The following ST7 variants were observed in gnomAD, a reference collection of about 807,000 sequenced individuals.
ST7 encodes suppression of tumorigenicity 7.
In ST7, 28 loss-of-function variants were observed where a neutral mutation model predicts 78.7. That is an observed-to-expected ratio of 0.36 (90% CI 0.26 to 0.49). The LOEUF (loss-of-function observed/expected upper bound fraction) is 0.49. Ranked by LOEUF, ST7 falls within the 20% of genes least tolerant of loss-of-function variation. The probability of loss-of-function intolerance (pLI) is 0.99; values close to 1 mark genes in which losing one functional copy is unlikely to be tolerated. For missense variants in ST7, 418 were observed against 696.0 expected (o/e 0.60, Z 4.49); for synonymous variants, 247 against 249.6 (o/e 0.99, Z 0.10).
intron 1 of ST7, among the ~76,000 whole-genome samples, chr7:116,982,532 A>G (rs1794004848): frequency 6.6e-6 from 1 of 152,144 alleles, no homozygotes; most frequent in South Asian, 2.1e-4. Context: ...TGTTGTATTC[A>G]GTGGGATATA....
At chr7:117,068,982 G>A (rs1798781845) in intron 1 of ST7, among the ~76,000 whole-genome samples, 1 of 152,208 alleles carries the variant, frequency 6.6e-6, no homozygotes, top group Non-Finnish European at 1.5e-5. Flanking sequence ...AAAAGGAAAT[G>A]CCAAGTGGAA....
At chr7:117,106,964 C>T (rs1463056323) in intron 2 of ST7, among the ~76,000 whole-genome samples, 1 of 152,112 alleles carries the variant, frequency 6.6e-6, no homozygotes, top group Non-Finnish European at 1.5e-5. Context: ...AGTTTAGCTC[C>T]CACTTATGAG....
intron 1 of ST7, among the ~76,000 whole-genome samples, chr7:116,993,382 A>G (rs1794510544): frequency 6.6e-6 from 1 of 152,216 alleles, no homozygotes; most frequent in Non-Finnish European, 1.5e-5. Context: ...GGAAGATGCA[A>G]AAACGGAAAC....
At chr7:116,959,439 C>T in intron 1 of ST7, 1 of 332,894 alleles carries the variant, frequency 3.0e-6, no homozygotes, top group South Asian at 2.5e-5. Flanking sequence ...CTTCTAGATT[C>T]TAGTTCTTCA....
chr7:117,206,762 A>G (rs1439718658), intron 12 of ST7, among the ~76,000 whole-genome samples: 6 of 152,204 alleles, frequency 3.9e-5, no homozygotes, highest in African/African-American at 1.4e-4. Flanking sequence ...TACTACCCTG[A>G]TGATTCCTGT....
chr7:116,968,938 A>G (rs1397178159), intron 1 of ST7, among the ~76,000 whole-genome samples: 2 of 152,188 alleles, frequency 1.3e-5, no homozygotes, highest in East Asian at 1.9e-4. Context: ...TTCATTTTGA[A>G]GCATTAAAAA....
intron 2 of ST7, among the ~76,000 whole-genome samples, chr7:117,107,175 G>A (rs1802045177): frequency 6.6e-6 from 1 of 152,020 alleles, no homozygotes; most frequent in Non-Finnish European, 1.5e-5. Context: ...TTATTGATGA[G>A]CATTTGGACT....
intron 1 of ST7, among the ~76,000 whole-genome samples, chr7:117,010,975 A>T (rs1310323577): frequency 6.6e-6 from 1 of 152,160 alleles, no homozygotes; most frequent in Non-Finnish European, 1.5e-5. Context: ...GAAAAGCTTC[A>T]CACTCTGTGT....
chr7:116,972,526 A>G, intron 1 of ST7: 1 of 1,062,458 alleles, frequency 9.4e-7, no homozygotes, highest in Non-Finnish European at 1.4e-6. Flanking sequence ...CTTATGAGCT[A>G]CCTCTTCATA....
In ST7 at chr7:116,963,028, G is replaced by T. The variant is rs368652220; in HGVS notation, c.151+9337G>T. Reference sequence around the variant, plus strand: ...CTGTAAAATACTATTTAAATCTGAGGCATTATAGTAGGTCTTTTCCTCAGA... The same window carrying T: ...CTGTAAAATACTATTTAAATCTGAGTCATTATAGTAGGTCTTTTCCTCAGA... On this transcript the variant is annotated intron_variant, in intron 1 of 15. Coordinates refer to ENST00000323984, the MANE Select transcript of ST7 (RefSeq NM_001369598.1). Among the ~76,000 whole-genome samples the T allele has an allele frequency of 2.0e-5, 3 of 152,206 alleles. No homozygotes were observed. The East Asian group carries it at 5.8e-4, about 29-fold the overall frequency.
chr7:117,079,556 T>C (rs1297649842), intron 1 of ST7, among the ~76,000 whole-genome samples: 5 of 152,246 alleles, frequency 3.3e-5, no homozygotes, highest in African/African-American at 1.2e-4. Flanking sequence ...ATGTTGTTGC[T>C]GCTATTATTC....
chr7:117,032,685 A>G (rs1478068190), intron 1 of ST7, among the ~76,000 whole-genome samples: 4 of 152,232 alleles, frequency 2.6e-5, no homozygotes, highest in Non-Finnish European at 5.9e-5. Flanking sequence ...GATTGAATTG[A>G]CCTGAAACAG....
Position 117,066,405 on chromosome 7 carries a change from C to CT in ST7, c.152-33348dup, listed in dbSNP as rs35429747. On this transcript the variant is annotated intron_variant, in intron 1 of 15. Transcript: ENST00000323984. Reference sequence around the variant, plus strand: ...TGAACAAATGAACCTGTAGCAATGACTTTTTTTTTCTAAATAGCTTTATTG... The same window carrying CT: ...TGAACAAATGAACCTGTAGCAATGACTTTTTTTTTTCTAAATAGCTTTATTG... Among the ~76,000 whole-genome samples the CT allele has an allele frequency of 4.0e-4, 61 of 151,764 alleles. No individual in the cohort carries two copies. In the South Asian group the frequency reaches 5.6e-3, roughly 14 times the overall value.
intron 2 of ST7, chr7:117,117,843 A>C (rs1803012090): frequency 6.6e-6 from 1 of 152,204 alleles, no homozygotes; most frequent in South Asian, 2.1e-4. Flanking sequence ...CTTGAGATAA[A>C]TAACAAATAT....
At chr7:117,135,663 A>G (rs889765781) in intron 7 of ST7, among the ~76,000 whole-genome samples, 1 of 152,112 alleles carries the variant, frequency 6.6e-6, no homozygotes, top group Non-Finnish European at 1.5e-5. Context: ...AGCTGTTATC[A>G]TCACCATCAC....
chr7:117,198,275 G>A (rs996936287), intron 12 of ST7: 8 of 454,294 alleles, frequency 1.8e-5, no homozygotes, highest in Admixed American at 1.2e-4. Flanking sequence ...TGGCCCCTTC[G>A]TTATCTCTTC....
At chr7:117,015,759 A>G (rs1179278897) in intron 1 of ST7, among the ~76,000 whole-genome samples, 1 of 152,158 alleles carries the variant, frequency 6.6e-6, no homozygotes, top group Non-Finnish European at 1.5e-5. Context: ...TTGTGCACCC[A>G]ATTCAGAATT....
At chr7:117,097,511 A>C (rs947725863) in intron 1 of ST7, among the ~76,000 whole-genome samples, 1 of 151,516 alleles carries the variant, frequency 6.6e-6, no homozygotes, top group Non-Finnish European at 1.5e-5. Context: ...TTTAGTAGAG[A>C]TGGGGTTTTG....
intron 1 of ST7, among the ~76,000 whole-genome samples, chr7:116,984,327 A>G (rs1017896234): frequency 3.3e-5 from 5 of 152,190 alleles, no homozygotes; most frequent in African/African-American, 1.2e-4. Context: ...CAGGTATTCT[A>G]TTATGAGCAA....
Sources: allele counts gnomAD v4.1 joint callset (sites outside exome capture counted in the v4.1 genomes callset), GRCh38; gene constraint gnomAD v4.1.1; transcripts MANE v1.5; gene names NCBI Gene and HGNC (gene_info 2026-07-23, HGNC 2026-07-21).